The following RAD51B variants were observed in gnomAD, a reference collection of about 807,000 sequenced individuals.
RAD51B encodes DNA repair protein RAD51 homolog 2.
Under a neutral mutation model 42.2 loss-of-function variants are expected in RAD51B, and 38 were observed. The ratio of observed to expected loss-of-function variants is 0.90; its 90% CI spans 0.70 to 1.18. The LOEUF (loss-of-function observed/expected upper bound fraction) is 1.18. Ranked by LOEUF, RAD51B falls within the 50% of genes most tolerant of loss-of-function variation. RAD51B has a pLI of 0.00. For missense variants in RAD51B, 373 were observed against 400.7 expected (o/e 0.93, Z 0.59); for synonymous variants, 154 against 145.2 (o/e 1.06, Z -0.43).
At chr14:68,397,676 G>C (rs1480821325) in intron 8 of RAD51B, among the ~76,000 whole-genome samples, 1 of 151,888 alleles carries the variant, frequency 6.6e-6, no homozygotes, top group Non-Finnish European at 1.5e-5. Context: ...CACCCCTCGT[G>C]TGTGTGTGTG....
At chr14:67,932,248 T>C (rs374063312) in intron 7 of RAD51B, among the ~76,000 whole-genome samples, 4 of 152,232 alleles carry the variant, frequency 2.6e-5, no homozygotes, top group Non-Finnish European at 5.9e-5. Context: ...ATGGTGCTAG[T>C]TGGGTGGGCT....
chr14:67,965,848 A>G (rs1369955279), intron 7 of RAD51B, among the ~76,000 whole-genome samples: 1 of 152,112 alleles, frequency 6.6e-6, no homozygotes, highest in Non-Finnish European at 1.5e-5. Flanking sequence ...ACTCTTGACA[A>G]AAGAAATAAA....
intron 10 of RAD51B, among the ~76,000 whole-genome samples, chr14:68,645,413 G>T (rs1892544275): frequency 1.3e-5 from 2 of 152,102 alleles, no homozygotes; most frequent in Admixed American, 1.3e-4. Flanking sequence ...AGACAGTTAG[G>T]TTGCTTTCAC....
At chr14:67,852,299 C>T (rs2041846680) in intron 4 of RAD51B, among the ~76,000 whole-genome samples, 1 of 152,242 alleles carries the variant, frequency 6.6e-6, no homozygotes, top group Admixed American at 6.5e-5. Flanking sequence ...TGGCTTCTAT[C>T]CTAGAGCTAC....
intron 8 of RAD51B, among the ~76,000 whole-genome samples, chr14:68,376,575 A>G (rs777790378): frequency 1.3e-5 from 2 of 152,190 alleles, no homozygotes; most frequent in Non-Finnish European, 2.9e-5. Context: ...TGTAAAAGTC[A>G]CAGCACCTGC....
At chr14:67,826,173 G>A (rs2040827577) in intron 3 of RAD51B, among the ~76,000 whole-genome samples, 2 of 152,054 alleles carry the variant, frequency 1.3e-5, no homozygotes, top group Non-Finnish European at 2.9e-5. Flanking sequence ...GATTGATTAG[G>A]TAGTATTTGA....
chr14:68,238,631 G>C (rs2140997181), intron 7 of RAD51B, among the ~76,000 whole-genome samples: 1 of 152,332 alleles, frequency 6.6e-6, no homozygotes, highest in East Asian at 1.9e-4. Context: ...ACAAGAAAAA[G>C]TTATTGATAG....
intron 7 of RAD51B, among the ~76,000 whole-genome samples, chr14:67,941,380 G>A (rs1403629992): frequency 6.6e-6 from 1 of 152,192 alleles, no homozygotes; most frequent in East Asian, 1.9e-4. Flanking sequence ...AGACTAATGG[G>A]TTTCCAGACA....
At chr14:68,214,843 A>G (rs1387839311) in intron 7 of RAD51B, among the ~76,000 whole-genome samples, 1 of 152,216 alleles carries the variant, frequency 6.6e-6, no homozygotes, top group Non-Finnish European at 1.5e-5. Flanking sequence ...GTGCTGTAGT[A>G]AAAAATTCTC....
At chr14:68,593,148 C>T (rs1031210688) in intron 10 of RAD51B, among the ~76,000 whole-genome samples, 5 of 152,196 alleles carry the variant, frequency 3.3e-5, no homozygotes, top group African/African-American at 9.7e-5. Context: ...AGCATGGCCT[C>T]GAGGGCAGGG....
At chr14:67,904,694 T>G (rs2043725260) in intron 7 of RAD51B, among the ~76,000 whole-genome samples, 1 of 151,738 alleles carries the variant, frequency 6.6e-6, no homozygotes, top group Non-Finnish European at 1.5e-5. Flanking sequence ...TTCATATGCC[T>G]TTTGATTGTG....
intron 7 of RAD51B, among the ~76,000 whole-genome samples, chr14:67,897,331 G>C (rs2043454751): frequency 6.6e-6 from 1 of 152,012 alleles, no homozygotes; most frequent in Non-Finnish European, 1.5e-5. Context: ...AAAATATTTG[G>C]AAACCACAAA....
At chr14:68,276,405 C>T (rs2081226002) in intron 7 of RAD51B, among the ~76,000 whole-genome samples, 1 of 152,164 alleles carries the variant, frequency 6.6e-6, no homozygotes. Flanking sequence ...CATTTGCGTA[C>T]TCATTTTACT....
intron 11 of RAD51B, among the ~76,000 whole-genome samples, chr14:68,656,210 C>T (rs573504913): frequency 3.3e-5 from 5 of 152,162 alleles, no homozygotes; most frequent in African/African-American, 9.7e-5. Context: ...ACCCTGCTCA[C>T]CTGGCAGCAG....
intron 10 of RAD51B, among the ~76,000 whole-genome samples, chr14:68,633,273 T>A (rs952226209): frequency 5.3e-5 from 8 of 152,144 alleles, no homozygotes; most frequent in African/African-American, 9.7e-5. Flanking sequence ...GAAACCTGAT[T>A]CTTTTCCTGT....
At chr14:68,274,089 C>T (rs2081174648) in intron 7 of RAD51B, among the ~76,000 whole-genome samples, 2 of 152,090 alleles carry the variant, frequency 1.3e-5, no homozygotes, top group African/African-American at 2.4e-5. Flanking sequence ...CTACTAGTGA[C>T]CCCCACATTT....
chr14:68,190,576 A>G (rs1403664463), intron 7 of RAD51B, among the ~76,000 whole-genome samples: 2 of 152,118 alleles, frequency 1.3e-5, no homozygotes, highest in Admixed American at 6.5e-5. Context: ...TAATTAATCA[A>G]TAAGCTCATT....
intron 7 of RAD51B, among the ~76,000 whole-genome samples, chr14:68,141,927 C>G: frequency 6.6e-6 from 1 of 152,126 alleles, no homozygotes; most frequent in Admixed American, 6.5e-5. Flanking sequence ...TTTCAAAGTA[C>G]CTTTTATCAC....
intron 7 of RAD51B, among the ~76,000 whole-genome samples, chr14:68,269,439 T>C (rs1048205780): frequency 6.6e-6 from 1 of 152,148 alleles, no homozygotes; most frequent in Admixed American, 6.5e-5. Flanking sequence ...CATCTTTCTC[T>C]TTAGGACCTT....
Sources: gnomAD v4.1 joint callset for allele counts (sites outside exome capture counted in the v4.1 genomes callset) on GRCh38, gnomAD v4.1.1 for gene constraint, MANE v1.5 for transcripts, NCBI Gene and HGNC (gene_info 2026-07-23, HGNC 2026-07-21) for gene names.